The following NUP58 variants were observed in gnomAD, a reference collection of about 807,000 sequenced individuals.
NUP58 encodes the protein nucleoporin 58, also known as nucleoporin p58/p45.
In NUP58, 17 loss-of-function variants were observed where a neutral mutation model predicts 70.1. The ratio of observed to expected loss-of-function variants is 0.24; its 90% CI spans 0.17 to 0.36. The LOEUF is 0.36. Among genes scored for constraint, NUP58 ranks in the 10% least tolerant of loss-of-function variants. NUP58 has a pLI of 1.00. For synonymous variants in NUP58, 275 were observed against 257.6 expected (o/e 1.07, Z -0.65); for missense variants, 644 against 701.5 (o/e 0.92, Z 0.93).
chr13:25,333,024 A>G (rs1046715086), intron 13 of NUP58: 18 of 984,448 alleles, frequency 1.8e-5, no homozygotes, highest in Non-Finnish European at 2.2e-5. Flanking sequence ...ATTCTATTAA[A>G]TAGAACTTGA....
At position 25,312,475 on chromosome 13, in the gene NUP58, C is replaced by CT. The variant is rs547967345; in HGVS notation, c.287-407dup. Among the ~76,000 whole-genome samples the CT allele has an allele frequency of 5.3e-4, 81 of 152,310 alleles. No homozygotes were observed. In the South Asian group the frequency reaches 0.017, roughly 31 times the overall value. ...CTCCCCCTCCCAGGTTCAAGTGACT[C>CT]TCGTACCTCAGCCTCCCGAGTAGCT... On this transcript the variant is annotated intron_variant, in intron 3 of 15. Transcript: ENST00000381736.
chr13:25,308,019 T>C (rs1016866523), intron 2 of NUP58, 71 bp downstream of exon 2: 1 of 1,552,922 alleles, frequency 6.4e-7, no homozygotes, highest in Admixed American at 1.8e-5. Context: ...GTCCTGTATC[T>C]CTCTTTACAA....
At chr13:25,316,469 A>G (rs992113568) in intron 6 of NUP58, among the ~76,000 whole-genome samples, 1 of 152,100 alleles carries the variant, frequency 6.6e-6, no homozygotes, top group Non-Finnish European at 1.5e-5. Flanking sequence ...AAAACTGGAC[A>G]CAGGTTTTAT....
At chr13:25,344,941 G>T (rs559199606), downstream of NUP58, among the ~76,000 whole-genome samples, 11 of 152,254 alleles carry the variant, frequency 7.2e-5, no homozygotes, top group African/African-American at 2.6e-4. Flanking sequence ...CACCAAGACA[G>T]GCTTATTCAG....
intron 1 of NUP58, among the ~76,000 whole-genome samples, chr13:25,306,057 TAAC>T (rs1342450385): frequency 6.6e-6 from 1 of 152,126 alleles, no homozygotes; most frequent in Non-Finnish European, 1.5e-5. Flanking sequence ...ATAACAGTCA[TAAC>T]AACATTTATT....
At chr13:25,334,136 C>T (rs924766120) in intron 13 of NUP58, 4 of 985,190 alleles carry the variant, frequency 4.1e-6, no homozygotes, top group African/African-American at 1.7e-5. Flanking sequence ...ATCCAGCAGG[C>T]TATTTGTGTA....
chr13:25,343,667 G>A (rs1488979240), downstream of NUP58, among the ~76,000 whole-genome samples: 1 of 151,614 alleles, frequency 6.6e-6, no homozygotes, highest in Non-Finnish European at 1.5e-5. Context: ...ATGTTGGCCA[G>A]CCTGGTCTCA....
At chr13:25,338,922 A>G (rs2031872510) in intron 15 of NUP58, 191 bp downstream of exon 15, 2 of 410,352 alleles carry the variant, frequency 4.9e-6, no homozygotes, top group Non-Finnish European at 8.7e-6. Flanking sequence ...GCAGGTTTGT[A>G]AAATACTTCT....
intron 1 of NUP58, among the ~76,000 whole-genome samples, chr13:25,303,944 A>G (rs2030162745): frequency 6.6e-6 from 1 of 152,232 alleles, no homozygotes; most frequent in Admixed American, 6.5e-5. Context: ...AATTAATGAA[A>G]GAGGAGACTG....
chr13:25,333,368 A>G, intron 13 of NUP58: 1 of 985,380 alleles, frequency 1.0e-6, no homozygotes, highest in Non-Finnish European at 1.2e-6. Flanking sequence ...CCTTTTGCTC[A>G]TAGGCTTTAA....
Position 25,312,864 on chromosome 13 carries a change from CATTT to C in NUP58, c.287-9_287-6del, listed in dbSNP as rs1320821629. ...TAGGATTTTTGTTTGTTTGTTTATT[CATTT>C]ATTTATTTAAATAGGAACGCCAGCC... On this transcript the variant is annotated splice_polypyrimidine_tract_variant and intron_variant, in intron 3 of 15. Coordinates refer to ENST00000381736, the MANE Select transcript of NUP58 (RefSeq NM_014089.4). 4.5e-6 allele frequency: 7 copies of C among 1,565,342 alleles called. No homozygotes were observed. Among genetic ancestry groups the C allele is most frequent in the South Asian group, 3.5e-5 (3 of 86,194 alleles).
At position 25,320,512 on chromosome 13, in the gene NUP58, GT is replaced by G; in HGVS notation, c.711-14del. 6.3e-7 allele frequency: 1 copy of G among 1,577,004 alleles called. No homozygotes were observed. The highest frequency in any genetic ancestry group is 8.7e-7 in the Non-Finnish European group (1 of 1,147,536). ...TAAAATCTCAATGACCTTAATACAT[GT>G]TTTGCATTTTTCTTAGGGATAGTAA... On this transcript the variant is annotated splice_polypyrimidine_tract_variant and intron_variant, in intron 7 of 15. Transcript: ENST00000381736.
At position 25,307,965 on chromosome 13, in the gene NUP58, C is replaced by T. The variant is rs1176923532; in HGVS notation, c.250+17C>T. 1 of 1,612,572 alleles carries T rather than the reference C, an allele frequency of 6.2e-7. No individual in the cohort carries two copies. Among genetic ancestry groups the T allele is most frequent in the South Asian group, 1.1e-5 (1 of 90,934 alleles). Reference sequence around the variant, plus strand: ...CAAATACAGGTGAGGAGGATCTGATCACATTGTCAGAGAGTAGGCTTGGGA... The same window carrying T: ...CAAATACAGGTGAGGAGGATCTGATTACATTGTCAGAGAGTAGGCTTGGGA... On this transcript the variant is annotated intron_variant, in intron 2 of 15. Transcript: ENST00000381736.
chr13:25,321,097 T>C lies in NUP58; in HGVS notation c.951+4T>C. Reference sequence around the variant, plus strand: ...ATTGAAAATAGAAACTGCTCAGGTATACCAACTTATGGCCATTTTACCGTA... The same window carrying C: ...ATTGAAAATAGAAACTGCTCAGGTACACCAACTTATGGCCATTTTACCGTA... On this transcript the variant is annotated splice_donor_region_variant and intron_variant, in intron 9 of 15. Coordinates refer to ENST00000381736, the MANE Select transcript of NUP58 (RefSeq NM_014089.4). 1 of 1,574,068 alleles carries C rather than the reference T, an allele frequency of 6.4e-7. No individual in the cohort carries two copies. Among genetic ancestry groups the C allele is most frequent in the South Asian group, 1.2e-5 (1 of 82,838 alleles).
At position 25,331,400 on chromosome 13, in the gene NUP58, G is replaced by T. The variant is rs1224718888; in HGVS notation, c.1277G>T (p.Gly426Val). ...QYLGYRKMFL[G>V]DAVDVFETRR... ...CTTGGCTACAGGAAAATGTTCTTGG[G>T]AGATGCTGTTGATGTGTTTGAAACA... The change falls in exon 13 of 16, where the codon GGA becomes GTA. Residue 426 changes from glycine (G) to valine (V), a missense_variant. This residue lies in a region of NUP58 where 78 missense variants were observed against 71.3 expected (regional missense o/e 1.09). Transcript: ENST00000381736. The T allele has an allele frequency of 6.2e-7, 1 of 1,614,116 alleles. No individual in the cohort carries two copies.
At chr13:25,319,493 A>G in intron 7 of NUP58, 143 bp downstream of exon 7, 3 of 669,624 alleles carry the variant, frequency 4.5e-6, no homozygotes, top group South Asian at 3.8e-5. Flanking sequence ...TAAAAGTAAA[A>G]TAATAGACGT....
intron 12 of NUP58, among the ~76,000 whole-genome samples, chr13:25,328,551 A>C (rs956721181): frequency 2.6e-5 from 4 of 151,856 alleles, no homozygotes; most frequent in African/African-American, 9.7e-5. Flanking sequence ...ACGTGCCACC[A>C]TGCCTGGCTA....
intron 2 of NUP58, among the ~76,000 whole-genome samples, chr13:25,308,867 A>G (rs1388056074): frequency 6.6e-6 from 1 of 152,190 alleles, no homozygotes; most frequent in Non-Finnish European, 1.5e-5. Flanking sequence ...TGAGTGCAGC[A>G]CATTTCACAG....
chr13:25,326,848 C>T, intron 10 of NUP58, 68 bp from the exon 11 acceptor site: 1 of 821,982 alleles, frequency 1.2e-6, no homozygotes. Flanking sequence ...GCAGAATATT[C>T]CTTAATTTGG....
Sources: allele counts gnomAD v4.1 joint callset (sites outside exome capture counted in the v4.1 genomes callset), GRCh38; gene constraint gnomAD v4.1.1; regional missense constraint gnomAD v4.1.1; transcripts MANE v1.5; gene names NCBI Gene and HGNC (gene_info 2026-07-23, HGNC 2026-07-21).